The following NCKAP5 variants were observed in gnomAD, a reference collection of about 807,000 sequenced individuals.
The protein encoded by NCKAP5 is NCK associated protein 5.
Under a neutral mutation model 167.0 loss-of-function variants are expected in NCKAP5, and 92 were observed. That is an observed-to-expected ratio of 0.55 (90% confidence interval 0.47 to 0.66). NCKAP5 has a LOEUF of 0.66. Ranked by LOEUF, NCKAP5 falls within the 30% of genes least tolerant of loss-of-function variation. The pLI, the probability that NCKAP5 is intolerant of heterozygous loss-of-function variation, is 0.00. For synonymous variants in NCKAP5, 891 were observed against 877.4 expected, an observed-to-expected ratio of 1.02 and a Z score of -0.27; for missense variants, 2,378 against 2,315.0, an observed-to-expected ratio of 1.03 and a Z score of -0.56.
chr2:132,744,247 A>G (rs749473899), intron 16 of NCKAP5, among the ~76,000 whole-genome samples: 2 of 151,720 alleles, frequency 1.3e-5, no homozygotes, highest in Non-Finnish European at 3.0e-5. Flanking sequence ...TTGGGTACAC[A>G]TGGATTAAGA....
chr2:133,315,618 G>A (rs1356474851), intron 3 of NCKAP5, among the ~76,000 whole-genome samples: 2 of 151,462 alleles, frequency 1.3e-5, no homozygotes, highest in Admixed American at 1.3e-4. Context: ...CCTAGTACTT[G>A]GAGGTTGAGA....
At chr2:132,906,362 C>T (rs4954006) in intron 8 of NCKAP5, among the ~76,000 whole-genome samples, 150,697 of 152,286 alleles carry the variant, frequency 0.99, 74,565 homozygotes, top group East Asian at 1. Context: ...AACAAAATTA[C>T]AGAAGCAGAT....
chr2:133,038,183 C>A (rs2149445878), intron 6 of NCKAP5, among the ~76,000 whole-genome samples: 1 of 152,242 alleles, frequency 6.6e-6, no homozygotes, highest in East Asian at 1.9e-4. Flanking sequence ...TTTGTTGTGG[C>A]ACTGTTTATA....
rs576446146 is a variant in NCKAP5, at chr2:133,202,180, C to A, written c.207+11536G>T. On this transcript the variant is annotated intron_variant, in intron 5 of 19. Coordinates refer to ENST00000409261, the MANE Select transcript of NCKAP5 (RefSeq NM_207363.3). Reference sequence around the variant, plus strand: ...CCAAAACAGCATGGTACTGGTACCACAACAGAGATATAGACCAATGGAACA... The same window carrying A: ...CCAAAACAGCATGGTACTGGTACCAAAACAGAGATATAGACCAATGGAACA... Among the ~76,000 whole-genome samples, 1,230 of 151,970 alleles carry A rather than the reference C, an allele frequency of 8.1e-3. 12 individuals are homozygous for A. Among genetic ancestry groups the A allele is most frequent in the Non-Finnish European group, 0.011 (753 of 67,894 alleles).
chr2:133,055,508 T>G (rs889495257), intron 6 of NCKAP5, among the ~76,000 whole-genome samples: 4 of 150,382 alleles, frequency 2.7e-5, no homozygotes, highest in Non-Finnish European at 4.4e-5. Context: ...TATATATGAA[T>G]AGTTTATATA....
intron 8 of NCKAP5, among the ~76,000 whole-genome samples, chr2:132,898,018 A>G (rs1292970811): frequency 1.3e-5 from 2 of 152,214 alleles, no homozygotes; most frequent in East Asian, 3.9e-4. Flanking sequence ...CTTTCACAGA[A>G]CATTTTTCTA....
the NCKAP5 span, among the ~76,000 whole-genome samples, chr2:133,646,799 T>C: frequency 6.6e-6 from 1 of 152,074 alleles, no homozygotes; most frequent in Non-Finnish European, 1.5e-5. Flanking sequence ...AGATACATAA[T>C]TGGAATAGTT....
At chr2:133,655,882 T>C in the NCKAP5 span, among the ~76,000 whole-genome samples, 34 of 152,314 alleles carry the variant, frequency 2.2e-4, no homozygotes, top group Non-Finnish European at 4.6e-4. Context: ...AGGCTCTGCC[T>C]GTGCACTCAA....
At chr2:133,566,333 G>C (rs990314633) in intron 1 of NCKAP5, among the ~76,000 whole-genome samples, 1 of 152,184 alleles carries the variant, frequency 6.6e-6, no homozygotes, top group South Asian at 2.1e-4. Context: ...TCAGAGTTGG[G>C]AATCACCTCA....
rs138188992 is a variant in NCKAP5, at chr2:132,782,895, C to G, written c.3916G>C (p.Ala1306Pro). 1.9e-6 allele frequency: 3 copies of G among 1,613,770 alleles called. No individual in the cohort carries two copies. Among genetic ancestry groups the G allele is most frequent in the Admixed American group, 1.7e-5 (1 of 59,986 alleles). The change falls in exon 14 of 20, where the codon GCC (alanine) becomes CCC (proline). Residue 1306 changes from alanine (A) to proline (P), a missense_variant. Physicochemically the swap from Ala to Pro is conservative, Grantham distance 27. Around this residue, in one of 3 missense-constraint regions of NCKAP5, gnomAD observed 1,325 missense variants for 1,274.5 expected, o/e 1.04. Coordinates refer to ENST00000409261, the MANE Select transcript of NCKAP5 (RefSeq NM_207363.3). ...KVRTQIITNT[A>P]ERGNSLTRQN... ...CGGGTAAGAGAATTGCCTCTCTCGG[C>G]GGTATTGGTAATGATCTGAGTGCGG...
chr2:133,416,961 G>T (rs1689148565), intron 3 of NCKAP5, among the ~76,000 whole-genome samples: 1 of 152,172 alleles, frequency 6.6e-6, no homozygotes. Context: ...GCATCTGAGG[G>T]TGGGGCAATG....
chr2:132,945,887 T>C (rs1697681934), intron 8 of NCKAP5, among the ~76,000 whole-genome samples: 1 of 152,188 alleles, frequency 6.6e-6, no homozygotes, highest in Non-Finnish European at 1.5e-5. Context: ...ATTTCTACCA[T>C]GCTGCCTCAG....
the NCKAP5 span, among the ~76,000 whole-genome samples, chr2:133,663,221 G>A: frequency 1.2e-4 from 18 of 149,958 alleles, no homozygotes; most frequent in African/African-American, 4.2e-4. Flanking sequence ...AGCCGAGATT[G>A]CGCCACTGCA....
the NCKAP5 span, among the ~76,000 whole-genome samples, chr2:133,667,394 G>GT: frequency 2.0e-5 from 3 of 151,888 alleles, no homozygotes; most frequent in Admixed American, 6.6e-5. Flanking sequence ...GATGTCTGCT[G>GT]TATCTGTCAT....
At chr2:133,624,626 G>A in the NCKAP5 span, among the ~76,000 whole-genome samples, 25 of 152,256 alleles carry the variant, frequency 1.6e-4, no homozygotes, top group African/African-American at 5.5e-4. Context: ...TAATTATAAC[G>A]TAATTGCTAC....
intron 16 of NCKAP5, among the ~76,000 whole-genome samples, chr2:132,743,987 G>C (rs1038314540): frequency 1.3e-5 from 2 of 151,600 alleles, no homozygotes; most frequent in African/African-American, 4.8e-5. Flanking sequence ...AATTTATCAA[G>C]ACATTATAAT....
chr2:133,659,366 T>C, the NCKAP5 span, among the ~76,000 whole-genome samples: 2 of 152,150 alleles, frequency 1.3e-5, no homozygotes, highest in Non-Finnish European at 2.9e-5. Flanking sequence ...GATGTAAACA[T>C]AAAAGCTAAA....
chr2:132,765,302 T>C (rs1205068387), intron 16 of NCKAP5, among the ~76,000 whole-genome samples: 1 of 147,980 alleles, frequency 6.8e-6, no homozygotes, highest in African/African-American at 2.5e-5. Context: ...ATGGATTTCT[T>C]TCTTTCTTTT....
the NCKAP5 span, among the ~76,000 whole-genome samples, chr2:133,647,786 A>G: frequency 6.6e-6 from 1 of 151,480 alleles, no homozygotes; most frequent in Admixed American, 6.6e-5. Context: ...AAAAAAAAGA[A>G]AAGAAAAAAG....
Sources: allele counts gnomAD v4.1 joint callset (sites outside exome capture counted in the v4.1 genomes callset), GRCh38; gene constraint gnomAD v4.1.1; regional missense constraint gnomAD v4.1.1; transcripts MANE v1.5; gene names NCBI Gene and HGNC (gene_info 2026-07-23, HGNC 2026-07-21).